The following ASTN2 variants were observed in gnomAD, a reference collection of about 807,000 sequenced individuals.
The protein encoded by ASTN2 is astrotactin 2.
Under a neutral mutation model 139.8 loss-of-function variants are expected in ASTN2, and 54 were observed. The observed-to-expected ratio is 0.39, with a 90% CI of 0.31 to 0.48. The LOEUF (loss-of-function observed/expected upper bound fraction) is 0.48, where lower values mean the gene tolerates loss of function less well. Ranked by LOEUF, ASTN2 falls within the 20% of genes least tolerant of loss-of-function variation. The pLI, the probability that ASTN2 is intolerant of heterozygous loss-of-function variation, is 0.95. For missense variants in ASTN2, 1,565 were observed against 1,725.1 expected, an observed-to-expected ratio of 0.91 and a Z score of 1.64; for synonymous variants, 756 against 719.5, an observed-to-expected ratio of 1.05 and a Z score of -0.81.
intron 16 of ASTN2, among the ~76,000 whole-genome samples, chr9:116,692,954 C>T (rs1860646875): frequency 6.6e-6 from 1 of 152,106 alleles, no homozygotes; most frequent in Admixed American, 6.5e-5. Flanking sequence ...AATTCATTTA[C>T]CCATCAGTTT....
intron 19 of ASTN2, among the ~76,000 whole-genome samples, chr9:116,575,783 T>C (rs1182794198): frequency 6.6e-6 from 1 of 152,198 alleles, no homozygotes; most frequent in Non-Finnish European, 1.5e-5. Context: ...TATATTGGAC[T>C]GTACACTAAA....
At chr9:117,043,382 C>G (rs1028520804) in intron 5 of ASTN2, among the ~76,000 whole-genome samples, 1 of 152,160 alleles carries the variant, frequency 6.6e-6, no homozygotes, top group South Asian at 2.1e-4. Flanking sequence ...GAAGGCATAT[C>G]TCATTCCTGG....
At chr9:116,485,783 T>G (rs946691552) in intron 20 of ASTN2, among the ~76,000 whole-genome samples, 1 of 152,200 alleles carries the variant, frequency 6.6e-6, no homozygotes, top group Non-Finnish European at 1.5e-5. Flanking sequence ...ATCTAAGAGA[T>G]AGTCAGTTGC....
intron 10 of ASTN2, among the ~76,000 whole-genome samples, chr9:116,922,709 A>G (rs1488720872): frequency 6.6e-6 from 1 of 152,216 alleles, no homozygotes; most frequent in African/African-American, 2.4e-5. Flanking sequence ...AAAACTTCGT[A>G]TTAGTAGAAA....
chr9:117,170,276 C>A (rs1480754420), intron 3 of ASTN2, among the ~76,000 whole-genome samples: 1 of 152,152 alleles, frequency 6.6e-6, no homozygotes, highest in East Asian at 1.9e-4. Flanking sequence ...ATACAATGTG[C>A]TTGTATATCA....
intron 4 of ASTN2, among the ~76,000 whole-genome samples, chr9:117,121,093 A>G (rs1486285314): frequency 6.6e-6 from 1 of 152,254 alleles, no homozygotes; most frequent in African/African-American, 2.4e-5. Context: ...GAAGAAGTTC[A>G]CATCCACATG....
rs563629241 is a variant in ASTN2 at position 116,990,515 on chromosome 9, C to T, written c.1592-13730G>A. ...CTCCTGGCCTCAAGTGATTGATCTG[C>T]CTCCTCCAGCCTCCCAAAGTGTTTG... On this transcript the variant is annotated intron_variant, in intron 7 of 22. Transcript: ENST00000313400. Among the ~76,000 whole-genome samples, 10 of 152,274 alleles carry T rather than the reference C, an allele frequency of 6.6e-5. No individual in the cohort carries two copies. In the East Asian group the frequency reaches 1.9e-3, roughly 29 times the overall value.
intron 19 of ASTN2, among the ~76,000 whole-genome samples, chr9:116,556,946 G>A (rs937345782): frequency 2.0e-5 from 3 of 151,950 alleles, no homozygotes; most frequent in African/African-American, 7.2e-5. Flanking sequence ...TTACTACTGG[G>A]TTTAACTAAG....
At chr9:117,087,394 C>A (rs1010585140) in intron 5 of ASTN2, among the ~76,000 whole-genome samples, 4 of 152,018 alleles carry the variant, frequency 2.6e-5, no homozygotes, top group African/African-American at 7.2e-5. Flanking sequence ...GCCACTACAT[C>A]TGGCTAATTT....
At chr9:117,148,824 A>C (rs1242115037) in intron 3 of ASTN2, among the ~76,000 whole-genome samples, 2 of 152,126 alleles carry the variant, frequency 1.3e-5, no homozygotes, top group Non-Finnish European at 2.9e-5. Flanking sequence ...AGCCTCATCC[A>C]CTCAAGTGAA....
intron 19 of ASTN2, among the ~76,000 whole-genome samples, chr9:116,576,688 A>G (rs1382083566): frequency 2.0e-5 from 3 of 152,056 alleles, no homozygotes; most frequent in Admixed American, 6.5e-5. Flanking sequence ...CTGCCCCACA[A>G]TGAACGTTTC....
At chr9:116,639,331 CT>C (rs1177418622) in intron 17 of ASTN2, among the ~76,000 whole-genome samples, 1 of 152,210 alleles carries the variant, frequency 6.6e-6, no homozygotes, top group Non-Finnish European at 1.5e-5. Flanking sequence ...CATGATGTAA[CT>C]CTGTCACCTA....
intron 3 of ASTN2, among the ~76,000 whole-genome samples, chr9:117,160,752 G>T (rs4457407): frequency 0.042 from 6,439 of 151,952 alleles, 268 homozygotes; most frequent in African/African-American, 0.1. Flanking sequence ...GCAAACCCCA[G>T]CTTATAAATA....
intron 1 of ASTN2, among the ~76,000 whole-genome samples, chr9:117,322,639 GC>G (rs1564145784): frequency 6.6e-6 from 1 of 152,134 alleles, no homozygotes; most frequent in Non-Finnish European, 1.5e-5. Context: ...CAAAGACAGA[GC>G]CCTCTGCCTT....
At chr9:116,541,878 G>A (rs772742410) in intron 19 of ASTN2, among the ~76,000 whole-genome samples, 1 of 152,088 alleles carries the variant, frequency 6.6e-6, no homozygotes, top group African/African-American at 2.4e-5. Context: ...AGATTCATAT[G>A]CAGTTATAAG....
intron 7 of ASTN2, among the ~76,000 whole-genome samples, chr9:116,998,267 A>T (rs1837079029): frequency 6.6e-6 from 1 of 152,166 alleles, no homozygotes; most frequent in Admixed American, 6.6e-5. Flanking sequence ...GGATATCCCC[A>T]GTTGAGGCTC....
rs199908277 is a variant in ASTN2 at position 116,728,966 on chromosome 9, C to G, written c.2626+26G>C. On this transcript the variant is annotated intron_variant, in intron 15 of 22. Coordinates refer to ENST00000313400, the MANE Select transcript of ASTN2 (RefSeq NM_001365068.1). ...CAAGTGCTAAATTATTCCAAGTCCC[C>G]TGGCTGCCCAGGCAGTGGTCCTCAC... The G allele has an allele frequency of 2.6e-5, 41 of 1,556,750 alleles. No homozygotes were observed. In the East Asian group the frequency reaches 9.7e-4, roughly 37 times the overall value.
At chr9:117,302,913 T>C (rs1010398706) in intron 1 of ASTN2, among the ~76,000 whole-genome samples, 19 of 152,224 alleles carry the variant, frequency 1.2e-4, no homozygotes, top group African/African-American at 4.6e-4. Context: ...AATCATATCA[T>C]GGTCCACTAG....
At chr9:116,773,253 A>T (rs1169977630) in intron 13 of ASTN2, among the ~76,000 whole-genome samples, 1 of 152,146 alleles carries the variant, frequency 6.6e-6, no homozygotes, top group Non-Finnish European at 1.5e-5. Flanking sequence ...AAAGTCCTGG[A>T]TCCCAACTCT....
Sources: allele counts gnomAD v4.1 joint callset (sites outside exome capture counted in the v4.1 genomes callset), GRCh38; gene constraint gnomAD v4.1.1; transcripts MANE v1.5; gene names NCBI Gene and HGNC (gene_info 2026-07-23, HGNC 2026-07-21).